HECTD4: variants seen among roughly 807,000 people sequenced by gnomAD.
HECTD4 encodes probable E3 ubiquitin-protein ligase HECTD4.
Under a neutral mutation model 471.5 loss-of-function variants are expected in HECTD4, and 114 were observed. The ratio of observed to expected loss-of-function variants is 0.24; its 90% CI spans 0.21 to 0.28. HECTD4 has a LOEUF of 0.28. HECTD4 is among the 10% of genes least tolerant of loss of function. The pLI is 1.00. For synonymous variants in HECTD4, 2,012 were observed against 2,256.0 expected (o/e 0.89, Z 3.07); for missense variants, 3,866 against 5,651.5 (o/e 0.68, Z 10.13).
chr12:112,338,381 G>A (rs562219809), intron 1 of HECTD4, among the ~76,000 whole-genome samples: 6 of 152,276 alleles, frequency 3.9e-5, no homozygotes, highest in East Asian at 3.9e-4. Flanking sequence ...TCTACTTTGC[G>A]AGGCTCAAGT....
At position 112,328,110 on chromosome 12, in the gene HECTD4, C is replaced by CTATTTATTTATTTATTTATT. The variant is rs58061315; in HGVS notation, c.178-8388_178-8369dup. 3.4e-5 allele frequency among the ~76,000 whole-genome samples: 5 copies of CTATTTATTTATTTATTTATT among 145,800 alleles called. No individual in the cohort carries two copies. In the East Asian group the frequency reaches 6.2e-4, roughly 18 times the overall value. The stretch of plus-strand genomic sequence containing the variant: ...CTAGACTTGCAACCTCAATGTAAAA[C>CTATTTATTTATTTATTTATT]TATTTATTTATTTATTTATTTATTT... On this transcript the variant is annotated intron_variant, in intron 1 of 75. Coordinates refer to ENST00000682272, the MANE Select transcript of HECTD4 (RefSeq NM_001388303.1).
intron 22 of HECTD4, among the ~76,000 whole-genome samples, chr12:112,253,274 ACCACCACGCCCGG>A (rs2033936459): frequency 6.6e-6 from 1 of 151,696 alleles, no homozygotes. Flanking sequence ...ACAGACACAC[ACCACCACGCCCGG>A]CTAATTTTTG....
intron 7 of HECTD4, among the ~76,000 whole-genome samples, chr12:112,286,706 A>C (rs2034762358): frequency 6.6e-6 from 1 of 151,786 alleles, no homozygotes; most frequent in African/African-American, 2.4e-5. Context: ...CGCCCCACCA[A>C]AAAAAAAGGT....
At chr12:112,212,059 T>C (rs1264980556) in intron 49 of HECTD4, among the ~76,000 whole-genome samples, 3 of 152,220 alleles carry the variant, frequency 2.0e-5, no homozygotes, top group East Asian at 1.9e-4. Flanking sequence ...AGTTCCATCA[T>C]TAAATATGTA....
At chr12:112,256,763 A>C in intron 20 of HECTD4, 1 of 304,890 alleles carries the variant, frequency 3.3e-6, no homozygotes, top group Non-Finnish European at 5.9e-6. Flanking sequence ...CAGGACAAGA[A>C]GCAGAGATAT....
At chr12:112,261,226 T>A in intron 18 of HECTD4, 79 bp downstream of exon 18, 1 of 1,405,106 alleles carries the variant, frequency 7.1e-7, no homozygotes, top group Non-Finnish European at 9.5e-7. Flanking sequence ...TCCTTCTATA[T>A]TCTAAAAAGA....
rs758874055 is a variant in HECTD4 at position 112,250,089 on chromosome 12, T to C, written c.3950+55A>G. 55 of 1,241,482 alleles carry C rather than the reference T, an allele frequency of 4.4e-5. No individual in the cohort carries two copies. The Admixed American group carries it at 1.1e-3, about 24-fold the overall frequency. The allele number at this position is 1,241,482 out of a possible 1,614,324, so 76.9% of individuals were successfully genotyped here. A position where few individuals can be genotyped will look rare whatever the true frequency, so the allele number is the denominator to read the frequency against. ...CACAGAAGAAATATACCCATTTCAATTGTTTAAACTTTTTTTTCCCATTGG... is the reference window on the plus strand; with the variant it reads ...CACAGAAGAAATATACCCATTTCAACTGTTTAAACTTTTTTTTCCCATTGG... On this transcript the variant is annotated intron_variant, in intron 25 of 75. Coordinates refer to ENST00000682272, the MANE Select transcript of HECTD4 (RefSeq NM_001388303.1).
At chr12:112,344,050 C>G (rs1291729606) in intron 1 of HECTD4, among the ~76,000 whole-genome samples, 1 of 152,164 alleles carries the variant, frequency 6.6e-6, no homozygotes, top group Admixed American at 6.5e-5. Context: ...CTGGAGGACG[C>G]CAACTATGGC....
intron 2 of HECTD4, among the ~76,000 whole-genome samples, chr12:112,317,338 C>A (rs752799486): frequency 6.6e-6 from 1 of 152,206 alleles, no homozygotes; most frequent in Non-Finnish European, 1.5e-5. Context: ...ACAATAAACA[C>A]TGGTGCCATT....
At chr12:112,349,456 A>C (rs1690532348) in intron 1 of HECTD4, among the ~76,000 whole-genome samples, 1 of 152,086 alleles carries the variant, frequency 6.6e-6, no homozygotes, top group Admixed American at 6.6e-5. Flanking sequence ...AACCTAGAAG[A>C]AAATACGGCC....
chr12:112,247,168 A>G, intron 28 of HECTD4, 92 bp from the exon 29 acceptor site: 2 of 1,049,592 alleles, frequency 1.9e-6, no homozygotes, highest in Non-Finnish European at 1.4e-6. Context: ...AAGAGAAGAC[A>G]CAGGGGAAAC....
Position 112,185,278 on chromosome 12 carries a change from A to T in HECTD4, c.9688T>A (p.Trp3230Arg), listed in dbSNP as rs758013671. ...HKLYDEETQN[W>R]VSGGACGGSG... The stretch of plus-strand genomic sequence containing the variant: ...CCCCCGCAGGCGCCGCCTGAGACCC[A>T]GTTCTGCGTCTCCTCGTCGTACAGC... The change falls in exon 61 of 76, where the codon TGG becomes AGG. Residue 3230 changes from tryptophan (W) to arginine (R), a missense_variant. By Grantham distance (101) the Trp-to-Arg change is moderately radical. Transcript: ENST00000682272. 33 of 1,552,172 alleles carry T rather than the reference A, an allele frequency of 2.1e-5. No homozygotes were observed. The highest frequency in any genetic ancestry group is 9.7e-5 in the East Asian group (4 of 41,036).
intron 60 of HECTD4, among the ~76,000 whole-genome samples, chr12:112,189,904 C>T (rs1299732728): frequency 6.6e-6 from 1 of 152,158 alleles, no homozygotes; most frequent in Non-Finnish European, 1.5e-5. Context: ...CAGGCATGCA[C>T]CACCATGCCC....
chr12:112,350,527 T>C (rs548348956), intron 1 of HECTD4, among the ~76,000 whole-genome samples: 1 of 152,310 alleles, frequency 6.6e-6, no homozygotes. Context: ...ATTAAGGATA[T>C]GTACTAACGC....
intron 7 of HECTD4, among the ~76,000 whole-genome samples, chr12:112,288,835 G>A (rs2034812517): frequency 6.6e-6 from 1 of 152,180 alleles, no homozygotes; most frequent in Non-Finnish European, 1.5e-5. Context: ...AGCTGCAGAT[G>A]TGACTTCAGC....
chr12:112,333,749 A>T (rs569867339), intron 1 of HECTD4, among the ~76,000 whole-genome samples: 1 of 152,350 alleles, frequency 6.6e-6, no homozygotes, highest in South Asian at 2.1e-4. Flanking sequence ...TAAGTCCACA[A>T]GTTCATACTC....
intron 4 of HECTD4, among the ~76,000 whole-genome samples, chr12:112,310,244 A>G (rs2035346684): frequency 6.6e-6 from 1 of 152,238 alleles, no homozygotes; most frequent in Admixed American, 6.5e-5. Flanking sequence ...CATAAATGGC[A>G]AATGAAATTG....
At chr12:112,190,011 C>G (rs2032025964) in intron 60 of HECTD4, among the ~76,000 whole-genome samples, 1 of 152,210 alleles carries the variant, frequency 6.6e-6, no homozygotes, top group African/African-American at 2.4e-5. Flanking sequence ...GCCTTGGCCT[C>G]CCAAAGTGCT....
At chr12:112,367,001 G>A (rs2036573898) in intron 1 of HECTD4, among the ~76,000 whole-genome samples, 2 of 151,244 alleles carry the variant, frequency 1.3e-5, no homozygotes, top group Non-Finnish European at 2.9e-5. Flanking sequence ...GCCTTCAGAG[G>A]GAGAAAATGC....
Sources: gnomAD v4.1 joint callset for allele counts (sites outside exome capture counted in the v4.1 genomes callset) on GRCh38, gnomAD v4.1.1 for gene constraint, MANE v1.5 for transcripts, NCBI Gene and HGNC (gene_info 2026-07-23, HGNC 2026-07-21) for gene names.